Variants in EDIL3 observed in about 807,000 individuals in gnomAD.
EDIL3 encodes the protein EGF-like repeat and discoidin I-like domain-containing protein 3.
EDIL3 carries 37 observed loss-of-function variants against 67.4 expected under a neutral mutation model. That is an observed-to-expected ratio of 0.55 (90% CI 0.42 to 0.72). The LOEUF (loss-of-function observed/expected upper bound fraction) is 0.72. Among genes scored for constraint, EDIL3 ranks in the 30% least tolerant of loss-of-function variants. The probability of loss-of-function intolerance (pLI) is 0.00; values close to 1 mark genes in which losing one functional copy is unlikely to be tolerated. For missense variants in EDIL3, 527 were observed against 586.3 expected, an observed-to-expected ratio of 0.90 and a Z score of 1.04; for synonymous variants, 195 against 196.3, an observed-to-expected ratio of 0.99 and a Z score of 0.05.
In EDIL3 at chr5:84,384,340, C is replaced by T; in HGVS notation, c.35G>A (p.Gly12Glu). 1.2e-6 allele frequency: 2 copies of T among 1,612,366 alleles called. No individual in the cohort carries two copies. Among genetic ancestry groups the T allele is most frequent in the Non-Finnish European group, 1.7e-6 (2 of 1,179,310 alleles). The stretch of plus-strand genomic sequence containing the variant: ...GAACTGGGGGACACCGAGGCTGAGC[C>T]CGACCAAGAGCCAGACGGCTACCGA... ...KRSVAVWLLV[G>E]LSLGVPQFGK... is the part of the protein sequence containing the mutation. Residue 12 changes from glycine to glutamate, a missense_variant, in exon 1 of 11, where the codon GGG (glycine) becomes GAG (glutamate). This residue lies in a region of EDIL3 where 494 missense variants were observed against 522.5 expected (regional missense o/e 0.95). Transcript: ENST00000296591.
intron 1 of EDIL3, among the ~76,000 whole-genome samples, chr5:84,279,915 G>A (rs1468114767): frequency 1.3e-5 from 2 of 152,054 alleles, no homozygotes; most frequent in Non-Finnish European, 2.9e-5. Context: ...CTTAATCCCT[G>A]GGGTCTCTTT....
chr5:84,315,033 C>T (rs549174554), intron 1 of EDIL3, among the ~76,000 whole-genome samples: 13 of 151,872 alleles, frequency 8.6e-5, no homozygotes, highest in Non-Finnish European at 1.8e-4. Flanking sequence ...ATTTTATTAT[C>T]CTTCTAGTTT....
At chr5:84,247,444 G>A (rs1744930557) in intron 2 of EDIL3, among the ~76,000 whole-genome samples, 2 of 152,056 alleles carry the variant, frequency 1.3e-5, no homozygotes, top group Admixed American at 6.6e-5. Context: ...GACACTGATT[G>A]CCTTCTGAAA....
chr5:84,039,860 A>C (rs1261356674), intron 9 of EDIL3, among the ~76,000 whole-genome samples: 2 of 152,094 alleles, frequency 1.3e-5, no homozygotes, highest in South Asian at 2.1e-4. Context: ...ATTTATAATA[A>C]ATTTAAATTT....
intron 1 of EDIL3, among the ~76,000 whole-genome samples, chr5:84,328,860 A>G (rs1561258892): frequency 6.6e-6 from 1 of 152,072 alleles, no homozygotes; most frequent in Non-Finnish European, 1.5e-5. Context: ...GCTTTTTACA[A>G]ACGCTTGCAA....
At chr5:83,975,440 T>C (rs1470431478) in intron 9 of EDIL3, among the ~76,000 whole-genome samples, 2 of 151,956 alleles carry the variant, frequency 1.3e-5, no homozygotes, top group Non-Finnish European at 2.9e-5. Context: ...AAACTTATTT[T>C]TTTGCATATG....
intron 5 of EDIL3, among the ~76,000 whole-genome samples, chr5:84,123,083 A>G (rs959508791): frequency 6.6e-6 from 1 of 151,712 alleles, no homozygotes; most frequent in African/African-American, 2.4e-5. Context: ...TTTAATAACT[A>G]TTTTCACATT....
chr5:84,375,549 A>C (rs186168586), intron 1 of EDIL3, among the ~76,000 whole-genome samples: 1 of 152,198 alleles, frequency 6.6e-6, no homozygotes, highest in South Asian at 2.1e-4. Flanking sequence ...TCTTCATTAC[A>C]CTAGGAGAAA....
At chr5:83,947,951 G>T (rs1439711456) in intron 10 of EDIL3, among the ~76,000 whole-genome samples, 1 of 151,794 alleles carries the variant, frequency 6.6e-6, no homozygotes, top group Admixed American at 6.6e-5. Flanking sequence ...GCATTCCATT[G>T]ACTAACATCT....
chr5:84,074,002 C>T (rs1002374523), intron 6 of EDIL3, among the ~76,000 whole-genome samples: 11 of 151,422 alleles, frequency 7.3e-5, no homozygotes, highest in Non-Finnish European at 1.0e-4. Flanking sequence ...AAACAGAGAT[C>T]TAGATCAATG....
At chr5:83,961,267 G>T (rs1007032842) in intron 10 of EDIL3, among the ~76,000 whole-genome samples, 11 of 150,956 alleles carry the variant, frequency 7.3e-5, no homozygotes, top group Non-Finnish European at 1.6e-4. Context: ...AATCCATAAT[G>T]ACAGTTGAAA....
intron 9 of EDIL3, among the ~76,000 whole-genome samples, chr5:84,012,280 A>G (rs993259840): frequency 1.3e-5 from 2 of 152,108 alleles, no homozygotes; most frequent in African/African-American, 4.8e-5. Flanking sequence ...AAAGTTGCTT[A>G]CCTCTCTAAA....
At chr5:84,006,123 G>C (rs1161654544) in intron 9 of EDIL3, among the ~76,000 whole-genome samples, 1 of 144,726 alleles carries the variant, frequency 6.9e-6, no homozygotes, top group Admixed American at 6.8e-5. Context: ...AAAATATCTA[G>C]GAATAAGGGA....
chr5:84,149,736 T>C (rs1393419247), intron 4 of EDIL3, among the ~76,000 whole-genome samples: 2 of 152,112 alleles, frequency 1.3e-5, no homozygotes, highest in Non-Finnish European at 2.9e-5. Context: ...CTGTATTCCA[T>C]ATATTGAAAA....
At chr5:84,323,741 T>C (rs958416856) in intron 1 of EDIL3, among the ~76,000 whole-genome samples, 5 of 151,884 alleles carry the variant, frequency 3.3e-5, no homozygotes, top group South Asian at 2.1e-4. Context: ...TCCATGCACA[T>C]TGTAACCAAA....
At chr5:84,120,102 A>G (rs1262007663) in intron 5 of EDIL3, among the ~76,000 whole-genome samples, 1 of 152,084 alleles carries the variant, frequency 6.6e-6, no homozygotes, top group Non-Finnish European at 1.5e-5. Flanking sequence ...GTGTCACATA[A>G]AGAAAGTAAA....
At chr5:84,110,758 C>T (rs888575457) in intron 5 of EDIL3, among the ~76,000 whole-genome samples, 3 of 152,142 alleles carry the variant, frequency 2.0e-5, no homozygotes, top group African/African-American at 4.8e-5. Context: ...TCTTTTCCTT[C>T]TGCTATATTA....
chr5:84,212,135 A>G (rs1477321027), intron 3 of EDIL3, among the ~76,000 whole-genome samples: 1 of 152,168 alleles, frequency 6.6e-6, no homozygotes, highest in Non-Finnish European at 1.5e-5. Flanking sequence ...CTGATACTAT[A>G]CAGGTATTGA....
chr5:84,292,278 AAC>A (rs2112119997), intron 1 of EDIL3, among the ~76,000 whole-genome samples: 1 of 152,282 alleles, frequency 6.6e-6, no homozygotes, highest in East Asian at 1.9e-4. Context: ...AAATATCAAT[AAC>A]ACTGATGATT....
Sources: gnomAD v4.1 joint callset for allele counts (sites outside exome capture counted in the v4.1 genomes callset) on GRCh38, gnomAD v4.1.1 for gene constraint, gnomAD v4.1.1 regional missense constraint, MANE v1.5 for transcripts, NCBI Gene and HGNC (gene_info 2026-07-23, HGNC 2026-07-21) for gene names.